Variants in RBFOX1 observed in about 807,000 individuals in gnomAD.
The protein encoded by RBFOX1 is RNA binding fox-1 homolog 1, also known as RNA binding protein fox-1 homolog 1.
In RBFOX1, 8 loss-of-function variants were observed where a neutral mutation model predicts 57.7. The ratio of observed to expected loss-of-function variants is 0.14; its 90% CI spans 0.08 to 0.25. The LOEUF (loss-of-function observed/expected upper bound fraction) is 0.25, where lower values mean the gene tolerates loss of function less well. Ranked by LOEUF, RBFOX1 falls within the 10% of genes least tolerant of loss-of-function variation. RBFOX1 has a pLI of 1.00. For missense variants in RBFOX1, 611 were observed against 548.5 expected, an observed-to-expected ratio of 1.11 and a Z score of -1.14; for synonymous variants, 326 against 222.4, an observed-to-expected ratio of 1.47 and a Z score of -4.15.
intron 4 of RBFOX1, among the ~76,000 whole-genome samples, chr16:7,419,188 G>C (rs998795025): frequency 6.6e-6 from 1 of 152,112 alleles, no homozygotes; most frequent in African/African-American, 2.4e-5. Context: ...GATTACAAGC[G>C]TGAGCACCAC....
chr16:5,371,488 T>C (rs966940058), intron 1 of RBFOX1, among the ~76,000 whole-genome samples: 2 of 152,214 alleles, frequency 1.3e-5, no homozygotes, highest in African/African-American at 4.8e-5. Context: ...TCCAGGACTG[T>C]GCAACACAAA....
chr16:7,478,813 A>C (rs946522138), intron 4 of RBFOX1, among the ~76,000 whole-genome samples: 1 of 152,196 alleles, frequency 6.6e-6, no homozygotes, highest in Non-Finnish European at 1.5e-5. Flanking sequence ...CTAGATGCCA[A>C]CAATACCCTG....
At chr16:6,894,828 C>T (rs117361654) in intron 3 of RBFOX1, among the ~76,000 whole-genome samples, 5,910 of 152,150 alleles carry the variant, frequency 0.039, 174 homozygotes, top group Non-Finnish European at 0.06. Context: ...GGTAGTAGTC[C>T]AGAATAAGAC....
chr16:7,275,872 C>A (rs1204665299), intron 4 of RBFOX1, among the ~76,000 whole-genome samples: 1 of 152,170 alleles, frequency 6.6e-6, no homozygotes, highest in African/African-American at 2.4e-5. Context: ...GCAGAAGGAT[C>A]TGAGAGGCAG....
intron 3 of RBFOX1, among the ~76,000 whole-genome samples, chr16:6,995,915 C>T (rs75950340): frequency 0.032 from 4,811 of 152,180 alleles, 233 homozygotes; most frequent in African/African-American, 0.11. Context: ...TATTAGAAAG[C>T]ATATATAGGA....
intron 3 of RBFOX1, among the ~76,000 whole-genome samples, chr16:6,904,744 G>C (rs939364116): frequency 6.6e-6 from 1 of 151,682 alleles, no homozygotes; most frequent in African/African-American, 2.4e-5. Flanking sequence ...CCCTCGCCTT[G>C]CACCTGCTGG....
chr16:6,966,101 A>C lies in RBFOX1; in HGVS notation c.-15-85956A>C, dbSNP rs184325794. Among the ~76,000 whole-genome samples, 11 of 152,252 alleles carry C rather than the reference A, an allele frequency of 7.2e-5. No individual in the cohort carries two copies. In the East Asian group the frequency reaches 1.9e-3, roughly 27 times the overall value. On this transcript the variant is annotated intron_variant, in intron 3 of 15. Transcript: ENST00000550418. ...TTTTTACTCTATCACGGGGTTCTCAACCATAGACTGGGGGCCTAAAAAGCA... is the reference window on the plus strand; with the variant it reads ...TTTTTACTCTATCACGGGGTTCTCACCCATAGACTGGGGGCCTAAAAAGCA...
At chr16:6,091,598 G>T (rs760630709) in intron 1 of RBFOX1, among the ~76,000 whole-genome samples, 6 of 152,218 alleles carry the variant, frequency 3.9e-5, no homozygotes, top group Non-Finnish European at 5.9e-5. Context: ...TGAAGGCTGA[G>T]GCAGGCGGAT....
chr16:5,500,135 TCCTTCCC>T (rs2043138862), intron 2 of RBFOX1, among the ~76,000 whole-genome samples: 2 of 101,078 alleles, frequency 2.0e-5, no homozygotes, highest in African/African-American at 3.9e-5. Flanking sequence ...CCTCCTTCCC[TCCTTCCC>T]TCCTTCCCTT....
intron 4 of RBFOX1, among the ~76,000 whole-genome samples, chr16:7,237,919 G>T (rs1325972558): frequency 2.0e-5 from 3 of 152,184 alleles, no homozygotes; most frequent in Admixed American, 2.0e-4. Flanking sequence ...CATGAGAATT[G>T]CTTGAACCCT....
At chr16:6,115,193 C>T (rs999064364) in intron 1 of RBFOX1, among the ~76,000 whole-genome samples, 1 of 152,122 alleles carries the variant, frequency 6.6e-6, no homozygotes, top group Non-Finnish European at 1.5e-5. Context: ...TTACTTCATC[C>T]TGTCAGGACC....
At chr16:5,327,237 C>G (rs182246999) in intron 1 of RBFOX1, among the ~76,000 whole-genome samples, 1 of 152,010 alleles carries the variant, frequency 6.6e-6, no homozygotes, top group East Asian at 1.9e-4. Flanking sequence ...TGAAACTGGC[C>G]AGACCCTGCA....
chr16:5,775,125 C>A (rs113163315), intron 3 of RBFOX1, among the ~76,000 whole-genome samples: 102 of 152,260 alleles, frequency 6.7e-4, no homozygotes, highest in African/African-American at 2.2e-3. Context: ...GTGTAGACAA[C>A]AGAATGTAGT....
intron 5 of RBFOX1, among the ~76,000 whole-genome samples, chr16:7,543,011 G>A (rs2083385243): frequency 6.6e-6 from 1 of 152,104 alleles, no homozygotes; most frequent in Non-Finnish European, 1.5e-5. Flanking sequence ...ACCGCTCTAG[G>A]TTGCATCTCA....
At chr16:6,362,479 C>G (rs1487233758) in intron 2 of RBFOX1, among the ~76,000 whole-genome samples, 1 of 152,184 alleles carries the variant, frequency 6.6e-6, no homozygotes, top group Non-Finnish European at 1.5e-5. Context: ...TATGAGGCCA[C>G]CTGCTCGTAT....
intron 4 of RBFOX1, among the ~76,000 whole-genome samples, chr16:7,290,753 C>T (rs1462810196): frequency 4.6e-5 from 7 of 152,206 alleles, no homozygotes; most frequent in South Asian, 2.1e-4. Flanking sequence ...AGGATGGGGG[C>T]GTGGAAGATA....
intron 1 of RBFOX1, among the ~76,000 whole-genome samples, chr16:6,165,527 T>C (rs1438383666): frequency 6.6e-6 from 1 of 152,210 alleles, no homozygotes; most frequent in Non-Finnish European, 1.5e-5. Context: ...ATAACACGTT[T>C]GCCCTCTGGT....
At chr16:5,859,034 A>G (rs1030162823) in intron 3 of RBFOX1, among the ~76,000 whole-genome samples, 3 of 152,166 alleles carry the variant, frequency 2.0e-5, no homozygotes, top group Non-Finnish European at 4.4e-5. Context: ...GTGAAACCCC[A>G]TCTCTACTAA....
chr16:6,535,705 C>T (rs2153824124), intron 2 of RBFOX1, among the ~76,000 whole-genome samples: 1 of 152,262 alleles, frequency 6.6e-6, no homozygotes, highest in East Asian at 1.9e-4. Flanking sequence ...GGCTTTAAGC[C>T]ACAGCCCTTC....
Sources: gnomAD v4.1 joint callset for allele counts (sites outside exome capture counted in the v4.1 genomes callset) on GRCh38, gnomAD v4.1.1 for gene constraint, MANE v1.5 for transcripts, NCBI Gene and HGNC (gene_info 2026-07-23, HGNC 2026-07-21) for gene names.